The following KMT2C variants were observed in gnomAD, a reference collection of about 807,000 sequenced individuals.
KMT2C encodes lysine methyltransferase 2C, also known as histone-lysine N-methyltransferase 2C.
KMT2C carries 88 observed loss-of-function variants against 507.9 expected under a neutral mutation model. The ratio of observed to expected loss-of-function variants is 0.17; its 90% CI spans 0.15 to 0.21. The LOEUF is 0.21. Among genes scored for constraint, KMT2C ranks in the 10% least tolerant of loss-of-function variants. The pLI is 1.00. For missense variants in KMT2C, 4,954 were observed against 5,957.8 expected (o/e 0.83, Z 5.55); for synonymous variants, 2,049 against 2,080.8 (o/e 0.98, Z 0.42).
chr7:152,259,791 C>A (rs542501679), intron 9 of KMT2C, among the ~76,000 whole-genome samples: 1 of 152,352 alleles, frequency 6.6e-6, no homozygotes, highest in Admixed American at 6.5e-5. Context: ...TGGGGGCACA[C>A]TGATTTGTCC....
intron 9 of KMT2C, among the ~76,000 whole-genome samples, chr7:152,256,162 T>G (rs1245466578): frequency 1.3e-5 from 2 of 152,116 alleles, no homozygotes; most frequent in Non-Finnish European, 2.9e-5. Flanking sequence ...AGAGTGAAAC[T>G]CTATCTCAAA....
intron 3 of KMT2C, among the ~76,000 whole-genome samples, chr7:152,322,408 G>C (rs10232439): frequency 2.0e-5 from 3 of 151,878 alleles, no homozygotes. Context: ...ATGAACTCAC[G>C]CATTTACACT....
chr7:152,313,752 GCC>G (rs990187247), intron 4 of KMT2C, among the ~76,000 whole-genome samples: 1 of 151,886 alleles, frequency 6.6e-6, no homozygotes, highest in Non-Finnish European at 1.5e-5. Context: ...TTCATTAACT[GCC>G]ATATTATCAT....
chr7:152,344,919 G>A (rs1263881637), intron 2 of KMT2C, among the ~76,000 whole-genome samples: 8 of 151,924 alleles, frequency 5.3e-5, no homozygotes, highest in Non-Finnish European at 7.4e-5. Context: ...CCCAGGAGGC[G>A]GAGCTTGCAA....
intron 23 of KMT2C, among the ~76,000 whole-genome samples, chr7:152,210,864 T>C (rs544880847): frequency 5.3e-5 from 8 of 151,918 alleles, no homozygotes; most frequent in Non-Finnish European, 7.4e-5. Flanking sequence ...TAAAACTCAG[T>C]AGAGGAAGAT....
At chr7:152,283,065 A>T (rs541869007) in intron 6 of KMT2C, among the ~76,000 whole-genome samples, 151 of 152,356 alleles carry the variant, frequency 9.9e-4, no homozygotes, top group Admixed American at 9.1e-3. Context: ...TAACTGAAAT[A>T]ATCAGATAGA....
At chr7:152,154,759 C>A (rs2091917596) in intron 46 of KMT2C, 1 of 221,558 alleles carries the variant, frequency 4.5e-6, no homozygotes, top group South Asian at 1.1e-4. Flanking sequence ...TTCAAAATCC[C>A]AGATCGTTGA....
At chr7:152,153,112 T>A (rs1030735922) in intron 48 of KMT2C, among the ~76,000 whole-genome samples, 158 bp from the exon 49 acceptor site, 4 of 152,086 alleles carry the variant, frequency 2.6e-5, no homozygotes, top group African/African-American at 7.2e-5. Context: ...AGGAAAAAAA[T>A]TAGCTCTAAC....
chr7:152,180,618 A>C, intron 36 of KMT2C, 93 bp downstream of exon 36: 1 of 965,658 alleles, frequency 1.0e-6, no homozygotes, highest in Non-Finnish European at 1.5e-6. Context: ...AAAAAATAAA[A>C]CATTAACTCC....
At position 152,176,884 on chromosome 7, in the gene KMT2C, A is replaced by G. The variant is rs745632640; in HGVS notation, c.8569T>C (p.Ser2857Pro). The G allele has an allele frequency of 5.6e-6, 9 of 1,614,230 alleles. No homozygotes were observed. Among genetic ancestry groups the G allele is most frequent in the Middle Eastern group, 1.6e-4 (1 of 6,062 alleles). The stretch of plus-strand genomic sequence containing the variant: ...CCATCATTTAGGTCTGAGTGAGCAG[A>G]AGCCTGTGAGCAAGGAGTGTCAACA... Reference protein sequence around the residue: ...DNVDTPCSQASAHSDLNDGEK... With the variant: ...DNVDTPCSQAPAHSDLNDGEK... Residue 2857 changes from serine to proline, a missense_variant, in exon 38 of 59, where the codon TCT becomes CCT. Coordinates refer to ENST00000262189, the MANE Select transcript of KMT2C (RefSeq NM_170606.3).
intron 1 of KMT2C, among the ~76,000 whole-genome samples, chr7:152,363,728 G>A (rs983181806): frequency 6.6e-6 from 1 of 152,154 alleles, no homozygotes; most frequent in African/African-American, 2.4e-5. Context: ...GAATTTGTGG[G>A]ACAGACTACC....
At chr7:152,214,167 T>TAAA (rs200335502) in intron 23 of KMT2C, among the ~76,000 whole-genome samples, 1 of 143,114 alleles carries the variant, frequency 7.0e-6, no homozygotes, top group African/African-American at 2.5e-5. Flanking sequence ...AGAGTTTCCT[T>TAAA]AAAAAAAAAA....
chr7:152,371,779 A>G (rs920668913), intron 1 of KMT2C, among the ~76,000 whole-genome samples: 5 of 152,088 alleles, frequency 3.3e-5, no homozygotes, highest in Admixed American at 3.3e-4. Flanking sequence ...ACACCTGGCT[A>G]ATTTTTGTAT....
rs34778581 is a variant in KMT2C, at chr7:152,331,642, A to ATT, written c.251-905_251-904dup. Reference sequence around the variant, plus strand: ...CAACAACAACAACAACAACAAAAAGATTTTTTTTTTTTTTTTTTTTTTTTT... The same window carrying ATT: ...CAACAACAACAACAACAACAAAAAGATTTTTTTTTTTTTTTTTTTTTTTTTTT... On this transcript the variant is annotated intron_variant, in intron 2 of 58. Transcript: ENST00000262189. 1.5e-3 allele frequency among the ~76,000 whole-genome samples: 145 copies of ATT among 99,322 alleles called. 4 individuals carry two copies. The highest frequency in any genetic ancestry group is 0.011 in the Middle Eastern group (2 of 186). 65.2% of individuals were successfully genotyped at this position (99,322 alleles called of 152,430 possible). A position where few individuals can be genotyped will look rare whatever the true frequency, so the allele number is the denominator to read the frequency against.
At chr7:152,171,077 C>A (rs1486740711) in intron 40 of KMT2C, among the ~76,000 whole-genome samples, 187 bp downstream of exon 40, 1 of 152,190 alleles carries the variant, frequency 6.6e-6, no homozygotes, top group Non-Finnish European at 1.5e-5. Context: ...ATAGATAAGG[C>A]TACTATTTAG....
chr7:152,322,489 G>GA (rs796905556), intron 3 of KMT2C, among the ~76,000 whole-genome samples: 6 of 152,108 alleles, frequency 3.9e-5, no homozygotes, highest in African/African-American at 1.2e-4. Context: ...AAATGGCACT[G>GA]AAAAAACTGT....
At chr7:152,258,913 T>C (rs1737687627) in intron 9 of KMT2C, among the ~76,000 whole-genome samples, 1 of 152,172 alleles carries the variant, frequency 6.6e-6, no homozygotes. Context: ...CATACTGCTT[T>C]ATTAGATACA....
chr7:152,154,540 G>A, intron 46 of KMT2C, 95 bp from the exon 47 acceptor site: 2 of 1,019,494 alleles, frequency 2.0e-6, no homozygotes, highest in Non-Finnish European at 3.0e-6. Context: ...ACAGCTGTAA[G>A]GATACTCTGG....
At chr7:152,141,650 T>A (rs1277287179) in intron 55 of KMT2C, among the ~76,000 whole-genome samples, 1 of 147,588 alleles carries the variant, frequency 6.8e-6, no homozygotes, top group Non-Finnish European at 1.5e-5. Flanking sequence ...GAGGCAGAGG[T>A]TGCAGTGAGC....
Sources: gnomAD v4.1 joint callset for allele counts (sites outside exome capture counted in the v4.1 genomes callset) on GRCh38, gnomAD v4.1.1 for gene constraint, MANE v1.5 for transcripts, NCBI Gene and HGNC (gene_info 2026-07-23, HGNC 2026-07-21) for gene names.